SCML2: variants seen among roughly 807,000 people sequenced by gnomAD.
The protein encoded by SCML2 is Scm polycomb group protein like 2, also known as sex comb on midleg-like protein 2.
In SCML2, 6 loss-of-function variants were observed where a neutral mutation model predicts 48.4. The observed-to-expected ratio is 0.12, with a 90% CI of 0.07 to 0.24. The LOEUF (loss-of-function observed/expected upper bound fraction) is 0.24, where lower values mean the gene tolerates loss of function less well. Ranked by LOEUF, SCML2 falls within the 10% of genes least tolerant of loss-of-function variation. The pLI is 1.00. For missense variants in SCML2, 377 were observed against 528.2 expected (o/e 0.71, Z 2.81); for synonymous variants, 181 against 189.5 (o/e 0.95, Z 0.37).
At chrX:18,327,770 A>G (rs1016317801) in intron 3 of SCML2, among the ~76,000 whole-genome samples, 1 of 111,442 alleles carries the variant, frequency 9.0e-6, no homozygotes, top group Non-Finnish European at 1.9e-5. Flanking sequence ...TTTTTCCATA[A>G]GGCAAAATTC....
At chrX:18,329,880 C>G (rs1029812581) in intron 3 of SCML2, among the ~76,000 whole-genome samples, 2 of 111,837 alleles carry the variant, frequency 1.8e-5, no homozygotes, top group African/African-American at 6.5e-5. Context: ...AGGTTTGAGA[C>G]CAGCCTAGCC....
chrX:18,281,109 C>A (rs1602101704), intron 7 of SCML2, among the ~76,000 whole-genome samples: 3 of 176 alleles, frequency 0.017, no homozygotes, highest in Admixed American at 0.17. Context: ...GTCATAAAGC[C>A]AAGTCTCAAT....
chrX:18,269,695 G>A (rs781521184), intron 7 of SCML2, among the ~76,000 whole-genome samples: 1 of 111,675 alleles, frequency 9.0e-6, no homozygotes, highest in Non-Finnish European at 1.9e-5. Flanking sequence ...TGCCAGGTTG[G>A]TTTAAGACAG....
intron 6 of SCML2, among the ~76,000 whole-genome samples, chrX:18,317,748 G>A (rs1387612756): frequency 1.9e-5 from 2 of 107,214 alleles, no homozygotes; most frequent in Non-Finnish European, 3.9e-5. Flanking sequence ...GCAGGAGAAT[G>A]GCGTGAACCC....
chrX:18,253,522 A>G (rs1050165160), intron 11 of SCML2, among the ~76,000 whole-genome samples: 7 of 111,686 alleles, frequency 6.3e-5, no homozygotes, highest in African/African-American at 1.6e-4. Flanking sequence ...AGAATAAAAA[A>G]TTTCACCTAA....
At chrX:18,273,083 T>A (rs948904326) in intron 7 of SCML2, among the ~76,000 whole-genome samples, 2 of 111,534 alleles carry the variant, frequency 1.8e-5, no homozygotes, top group Admixed American at 1.9e-4. Context: ...CTAGACACTC[T>A]GCCTTCTTTT....
intron 3 of SCML2, among the ~76,000 whole-genome samples, chrX:18,328,666 T>G (rs1929560866): frequency 8.9e-6 from 1 of 111,748 alleles, no homozygotes; most frequent in African/African-American, 3.3e-5. Flanking sequence ...AGTAAAACCT[T>G]GTCTCAATCA....
chrX:18,329,289 T>G (rs780474892), intron 3 of SCML2, among the ~76,000 whole-genome samples: 3 of 110,213 alleles, frequency 2.7e-5, no homozygotes, highest in East Asian at 2.9e-4. Context: ...CAGGGAAGAG[T>G]TGAAGAACAA....
chrX:18,307,877 T>C (rs1031263909), intron 6 of SCML2, among the ~76,000 whole-genome samples: 10 of 109,943 alleles, frequency 9.1e-5, no homozygotes, highest in Non-Finnish European at 1.3e-4. Flanking sequence ...GGGTGGATCA[T>C]GAGGTCAGGA....
At chrX:18,324,756 T>G (rs1929426625) in intron 4 of SCML2, 151 bp downstream of exon 4, 1 of 421,633 alleles carries the variant, frequency 2.4e-6, no homozygotes, top group African/African-American at 2.5e-5. Context: ...TAGAGTAAGT[T>G]CTTAATGAAT....
intron 1 of SCML2, among the ~76,000 whole-genome samples, chrX:18,345,511 C>T (rs992273249): frequency 2.7e-5 from 3 of 109,657 alleles, no homozygotes; most frequent in African/African-American, 1.0e-4. Flanking sequence ...CCCACCTCAC[C>T]CTCCCTAGTA....
At chrX:18,342,467 T>A (rs1930047860) in intron 1 of SCML2, among the ~76,000 whole-genome samples, 1 of 112,017 alleles carries the variant, frequency 8.9e-6, no homozygotes, top group African/African-American at 3.2e-5. Context: ...ATCCCAGCAC[T>A]TTGGGAGACC....
chrX:18,250,678 C>T (rs534755554), intron 11 of SCML2, among the ~76,000 whole-genome samples: 9 of 110,462 alleles, frequency 8.1e-5, no homozygotes, highest in African/African-American at 3.0e-4. Flanking sequence ...CCACTGTACC[C>T]GACCTAGACA....
chrX:18,307,379 G>C (rs1055222863), intron 6 of SCML2, among the ~76,000 whole-genome samples: 3 of 111,939 alleles, frequency 2.7e-5, no homozygotes, highest in Non-Finnish European at 5.6e-5. Context: ...GTAAGAAGCA[G>C]TGTTACATGA....
intron 3 of SCML2, among the ~76,000 whole-genome samples, chrX:18,325,288 TTA>T (rs777129165): frequency 3.7e-4 from 41 of 112,065 alleles, no homozygotes; most frequent in African/African-American, 1.1e-3. Flanking sequence ...AGAAATTGTT[TTA>T]GAGTAATAGC....
At chrX:18,293,535 T>A (rs776565482) in intron 7 of SCML2, among the ~76,000 whole-genome samples, 2 of 112,349 alleles carry the variant, frequency 1.8e-5, no homozygotes, top group Non-Finnish European at 3.8e-5. Flanking sequence ...TGGTTTGGAC[T>A]ATTTGTACTC....
At chrX:18,276,225 C>A (rs934592210) in intron 7 of SCML2, among the ~76,000 whole-genome samples, 2 of 107,367 alleles carry the variant, frequency 1.9e-5, no homozygotes. Flanking sequence ...ACCCAGGAAG[C>A]GGAGGTTGCA....
Position 18,290,889 on chromosome X carries a change from T to G in SCML2, c.730+14083A>C, listed in dbSNP as rs192355179. Among the ~76,000 whole-genome samples the G allele has an allele frequency of 1.0e-3, 113 of 111,205 alleles. 1 individual carries two copies. Among genetic ancestry groups the G allele is most frequent in the East Asian group, 2.0e-3 (7 of 3,560 alleles). On this transcript the variant is annotated intron_variant, in intron 7 of 14. Transcript: ENST00000251900. ...TCTTGCTCTTTCATGTATTAAATAT[T>G]TGGACTTTAATGAAATGACTGGCCA...
At chrX:18,286,446 G>T (rs752586095) in intron 7 of SCML2, among the ~76,000 whole-genome samples, 1 of 111,874 alleles carries the variant, frequency 8.9e-6, no homozygotes, top group South Asian at 3.8e-4. Flanking sequence ...ACAATAATCT[G>T]CAACTCAGTC....
Sources: allele counts gnomAD v4.1 joint callset (sites outside exome capture counted in the v4.1 genomes callset), GRCh38; gene constraint gnomAD v4.1.1; transcripts MANE v1.5; gene names NCBI Gene and HGNC (gene_info 2026-07-23, HGNC 2026-07-21).